The following LRRTM4 variants were observed in gnomAD, a reference collection of about 807,000 sequenced individuals.
LRRTM4 encodes the protein leucine-rich repeat transmembrane neuronal protein 4.
In LRRTM4, 25 loss-of-function variants were observed where a neutral mutation model predicts 47.6. The observed-to-expected ratio is 0.53, with a 90% CI of 0.38 to 0.73. The LOEUF is 0.73. Among genes scored for constraint, LRRTM4 ranks in the 30% least tolerant of loss-of-function variants. LRRTM4 has a pLI of 0.00. For synonymous variants in LRRTM4, 311 were observed against 269.5 expected (o/e 1.15, Z -1.51); for missense variants, 638 against 713.4 (o/e 0.89, Z 1.20).
chr2:77,321,454 G>C (rs1017770486), intron 3 of LRRTM4, among the ~76,000 whole-genome samples: 7 of 146,720 alleles, frequency 4.8e-5, no homozygotes, highest in African/African-American at 1.8e-4. Flanking sequence ...CCATACAGGG[G>C]ACATTAGAAA....
intron 3 of LRRTM4, among the ~76,000 whole-genome samples, chr2:77,057,601 C>G (rs1381759347): frequency 6.6e-6 from 1 of 152,136 alleles, no homozygotes; most frequent in African/African-American, 2.4e-5. Flanking sequence ...ACCAACCCAG[C>G]TAGTCCAGTG....
At chr2:77,004,226 C>G (rs368563176) in intron 3 of LRRTM4, among the ~76,000 whole-genome samples, 1 of 151,752 alleles carries the variant, frequency 6.6e-6, no homozygotes. Flanking sequence ...GCCAAGGTGA[C>G]AGTCCCCAAC....
At chr2:76,883,402 T>A (rs1672985742) in intron 3 of LRRTM4, among the ~76,000 whole-genome samples, 1 of 152,182 alleles carries the variant, frequency 6.6e-6, no homozygotes, top group South Asian at 2.1e-4. Flanking sequence ...GGACCTGAGT[T>A]CTACACTTCA....
chr2:76,791,672 G>T (rs1397856324), intron 3 of LRRTM4, among the ~76,000 whole-genome samples: 2 of 152,170 alleles, frequency 1.3e-5, no homozygotes, highest in East Asian at 1.9e-4. Flanking sequence ...GACAATTTCA[G>T]TACTTATTAT....
intron 3 of LRRTM4, among the ~76,000 whole-genome samples, chr2:76,851,270 GCCA>G (rs770733154): frequency 1.2e-4 from 18 of 152,108 alleles, no homozygotes; most frequent in Admixed American, 3.3e-4. Context: ...TTGGGTGGGT[GCCA>G]CCACATTTTT....
chr2:77,121,736 G>A (rs1156379518), intron 3 of LRRTM4, among the ~76,000 whole-genome samples: 1 of 151,796 alleles, frequency 6.6e-6, no homozygotes, highest in East Asian at 1.9e-4. Context: ...CTAGGTAGAT[G>A]ACATTAGCCA....
chr2:77,423,697 C>T (rs561142818), intron 3 of LRRTM4, among the ~76,000 whole-genome samples: 2 of 152,254 alleles, frequency 1.3e-5, no homozygotes, highest in South Asian at 4.1e-4. Context: ...GCGGCTAATT[C>T]CTAAAAGACT....
chr2:76,814,097 C>CCCTCAATTGGGATTT (rs1486727902), intron 3 of LRRTM4, among the ~76,000 whole-genome samples: 1 of 152,006 alleles, frequency 6.6e-6, no homozygotes, highest in African/African-American at 2.4e-5. Flanking sequence ...TTTCAACATG[C>CCCTCAATTGGGATTT]CCTCAATTGG....
At chr2:77,370,459 G>A (rs1435453097) in intron 3 of LRRTM4, among the ~76,000 whole-genome samples, 1 of 151,362 alleles carries the variant, frequency 6.6e-6, no homozygotes, top group African/African-American at 2.4e-5. Context: ...TCTAATTTGA[G>A]GAAAATAGAG....
In LRRTM4 at chr2:77,083,401, A is replaced by T. The variant is rs142893479; in HGVS notation, c.1552-334485T>A. On this transcript the variant is annotated intron_variant, in intron 3 of 3. Transcript: ENST00000409884. ...GCCAACATAGGCACCAAAACAACAT[A>T]AGATGTGCCATAGACTGAAGTCAGA... Among the ~76,000 whole-genome samples the T allele has an allele frequency of 5.2e-3, 797 of 152,298 alleles. 7 individuals are homozygous for T. Among genetic ancestry groups the T allele is most frequent in the African/African-American group, 0.018 (765 of 41,570 alleles).
chr2:77,032,204 A>G (rs1258176596), intron 3 of LRRTM4, among the ~76,000 whole-genome samples: 2 of 152,096 alleles, frequency 1.3e-5, no homozygotes, highest in Non-Finnish European at 2.9e-5. Context: ...CAGGGCCTTC[A>G]TATTTACCAT....
chr2:77,325,912 A>G (rs1269007625), intron 3 of LRRTM4, among the ~76,000 whole-genome samples: 1 of 152,146 alleles, frequency 6.6e-6, no homozygotes, highest in African/African-American at 2.4e-5. Context: ...ATTTGAGAAA[A>G]CAGTAGAAGC....
At chr2:76,801,623 C>G (rs1332633715) in intron 3 of LRRTM4, among the ~76,000 whole-genome samples, 1 of 151,684 alleles carries the variant, frequency 6.6e-6, no homozygotes, top group Non-Finnish European at 1.5e-5. Context: ...ATGTGACTAA[C>G]CTGCACAATG....
intron 3 of LRRTM4, among the ~76,000 whole-genome samples, chr2:77,373,199 A>G (rs1205438022): frequency 2.0e-5 from 3 of 150,756 alleles, no homozygotes; most frequent in Admixed American, 6.7e-5. Flanking sequence ...TAAAATATCT[A>G]GAATTTCAAT....
rs538041379 is a variant in LRRTM4 at position 77,104,263 on chromosome 2, T to A, written c.1552-355347A>T. ...CACCTCTGCCTCAATGGCCCAGTTATTTTCTCTTACCTGAACTGATGTGAA... is the reference window on the plus strand; with the variant it reads ...CACCTCTGCCTCAATGGCCCAGTTAATTTCTCTTACCTGAACTGATGTGAA... On this transcript the variant is annotated intron_variant, in intron 3 of 3. Coordinates refer to ENST00000409884, the MANE Select transcript of LRRTM4 (RefSeq NM_001134745.3). 2.6e-5 allele frequency among the ~76,000 whole-genome samples: 4 copies of A among 152,304 alleles called. No homozygotes were observed. In the East Asian group the frequency reaches 5.8e-4, roughly 22 times the overall value.
chr2:76,907,931 C>A (rs1376949041), intron 3 of LRRTM4, among the ~76,000 whole-genome samples: 1 of 149,096 alleles, frequency 6.7e-6, no homozygotes, highest in African/African-American at 2.5e-5. Flanking sequence ...GGAACTGGTA[C>A]CATTCCTTCT....
chr2:77,008,580 G>A (rs1449872199), intron 3 of LRRTM4, among the ~76,000 whole-genome samples: 1 of 152,104 alleles, frequency 6.6e-6, no homozygotes, highest in Non-Finnish European at 1.5e-5. Flanking sequence ...ACTAAATGTT[G>A]TCAATGCAAT....
chr2:77,205,720 G>C (rs983877272), intron 3 of LRRTM4, among the ~76,000 whole-genome samples: 1 of 152,094 alleles, frequency 6.6e-6, no homozygotes, highest in African/African-American at 2.4e-5. Flanking sequence ...AGCAGGTTTA[G>C]GTTATTCGAA....
intron 3 of LRRTM4, among the ~76,000 whole-genome samples, chr2:77,289,144 T>A (rs1428784391): frequency 6.6e-6 from 1 of 152,060 alleles, no homozygotes; most frequent in African/African-American, 2.4e-5. Flanking sequence ...TTGACCAATA[T>A]CATCAATATG....
Sources: gnomAD v4.1 joint callset for allele counts (sites outside exome capture counted in the v4.1 genomes callset) on GRCh38, gnomAD v4.1.1 for gene constraint, MANE v1.5 for transcripts, NCBI Gene and HGNC (gene_info 2026-07-23, HGNC 2026-07-21) for gene names.